NRXN3: variants seen among roughly 807,000 people sequenced by gnomAD.
NRXN3 encodes neurexin III.
NRXN3 carries 32 observed loss-of-function variants against 137.6 expected under a neutral mutation model. The ratio of observed to expected loss-of-function variants is 0.23; its 90% CI spans 0.18 to 0.31. The LOEUF (loss-of-function observed/expected upper bound fraction) is 0.31, where lower values mean the gene tolerates loss of function less well. NRXN3 is among the 10% of genes least tolerant of loss of function. NRXN3 has a pLI of 1.00. For missense variants in NRXN3, 1,574 were observed against 2,062.5 expected (o/e 0.76, Z 4.59); for synonymous variants, 798 against 784.5 (o/e 1.02, Z -0.29).
At chr14:78,805,412 A>G (rs1344043074) in intron 9 of NRXN3, among the ~76,000 whole-genome samples, 1 of 152,120 alleles carries the variant, frequency 6.6e-6, no homozygotes, top group Non-Finnish European at 1.5e-5. Context: ...TCAAAGGCCC[A>G]AAGCCTGCGG....
At chr14:79,347,751 C>A (rs1180850802) in intron 15 of NRXN3, among the ~76,000 whole-genome samples, 1 of 152,064 alleles carries the variant, frequency 6.6e-6, no homozygotes, top group African/African-American at 2.4e-5. Context: ...CAGGTGAAAC[C>A]GTCTTGGTAT....
intron 19 of NRXN3, among the ~76,000 whole-genome samples, chr14:79,724,068 T>C (rs77241976): frequency 0.074 from 11,289 of 152,236 alleles, 494 homozygotes; most frequent in South Asian, 0.23. Flanking sequence ...AAAACAGTTT[T>C]CTCTTTTTGT....
At chr14:79,801,868 G>A (rs1671159862) in intron 19 of NRXN3, among the ~76,000 whole-genome samples, 2 of 151,950 alleles carry the variant, frequency 1.3e-5, no homozygotes, top group South Asian at 4.1e-4. Context: ...GGTCTGCAAT[G>A]GGGATTAGGG....
intron 4 of NRXN3, among the ~76,000 whole-genome samples, chr14:78,305,407 A>G (rs765070138): frequency 6.6e-6 from 1 of 152,118 alleles, no homozygotes; most frequent in Non-Finnish European, 1.5e-5. Flanking sequence ...CTAGTCCTTT[A>G]AAGTTCAGAA....
chr14:79,677,288 A>G (rs1469091244), intron 17 of NRXN3, among the ~76,000 whole-genome samples: 1 of 152,112 alleles, frequency 6.6e-6, no homozygotes, highest in Non-Finnish European at 1.5e-5. Context: ...AGAAAAATAC[A>G]TATAAATCTA....
intron 15 of NRXN3, among the ~76,000 whole-genome samples, chr14:79,374,087 A>T (rs2094190344): frequency 6.6e-6 from 1 of 152,178 alleles, no homozygotes; most frequent in African/African-American, 2.4e-5. Flanking sequence ...AATAAGTTTG[A>T]TTTCATTCTA....
At chr14:78,207,809 A>G (rs147775800) in intron 1 of NRXN3, among the ~76,000 whole-genome samples, 1 of 152,252 alleles carries the variant, frequency 6.6e-6, no homozygotes, top group East Asian at 1.9e-4. Context: ...CTTTCAACAG[A>G]ACACTTTGGT....
intron 6 of NRXN3, among the ~76,000 whole-genome samples, chr14:78,694,891 C>T (rs1473827902): frequency 6.6e-6 from 1 of 151,980 alleles, no homozygotes; most frequent in African/African-American, 2.4e-5. Context: ...GAGGAATGAG[C>T]AGCAGTGGGA....
chr14:79,603,183 C>T (rs1465767105), intron 16 of NRXN3, among the ~76,000 whole-genome samples: 1 of 152,196 alleles, frequency 6.6e-6, no homozygotes, highest in Non-Finnish European at 1.5e-5. Flanking sequence ...GAGTTATTTT[C>T]TTTAAAACAA....
At chr14:78,285,702 T>C (rs2075078904) in intron 3 of NRXN3, among the ~76,000 whole-genome samples, 1 of 152,196 alleles carries the variant, frequency 6.6e-6, no homozygotes, top group East Asian at 1.9e-4. Flanking sequence ...CAGCTCTTTG[T>C]TTTATCCCAC....
At chr14:79,011,891 G>A (rs1310101775) in intron 15 of NRXN3, among the ~76,000 whole-genome samples, 1 of 152,166 alleles carries the variant, frequency 6.6e-6, no homozygotes, top group Non-Finnish European at 1.5e-5. Flanking sequence ...GGGGTCATAA[G>A]GAAGCAGTTC....
At chr14:78,380,307 C>CAAAAAA (rs34099445) in intron 4 of NRXN3, among the ~76,000 whole-genome samples, 10 of 100,458 alleles carry the variant, frequency 1.0e-4, no homozygotes, top group Non-Finnish European at 1.7e-4. Flanking sequence ...GACTCCGTCT[C>CAAAAAA]AAAAAAAAAA....
chr14:78,976,752 G>T (rs1304039483), intron 14 of NRXN3, among the ~76,000 whole-genome samples: 1 of 152,134 alleles, frequency 6.6e-6, no homozygotes, highest in Non-Finnish European at 1.5e-5. Flanking sequence ...TACGAGAGAG[G>T]CGTACAACAC....
intron 15 of NRXN3, among the ~76,000 whole-genome samples, chr14:79,284,353 T>TATATATATAC (rs2081861089): frequency 9.3e-6 from 1 of 108,108 alleles, no homozygotes; most frequent in Non-Finnish European, 1.8e-5. Flanking sequence ...CATATATATA[T>TATATATATAC]ATATATATAT....
At chr14:79,536,570 A>T (rs1276032174) in intron 16 of NRXN3, among the ~76,000 whole-genome samples, 2 of 151,966 alleles carry the variant, frequency 1.3e-5, no homozygotes, top group African/African-American at 4.8e-5. Flanking sequence ...CCTAAGTATT[A>T]AGCCCTGCAT....
At chr14:79,626,451 A>G (rs1192145829) in intron 16 of NRXN3, among the ~76,000 whole-genome samples, 1 of 146,338 alleles carries the variant, frequency 6.8e-6, no homozygotes, top group Non-Finnish European at 1.5e-5. Context: ...ATTGTTTGTC[A>G]TTATTTCTAA....
At chr14:79,256,363 C>T (rs2076588275) in intron 15 of NRXN3, among the ~76,000 whole-genome samples, 1 of 152,164 alleles carries the variant, frequency 6.6e-6, no homozygotes. Flanking sequence ...TTACTGTTGT[C>T]ATTAGTCAGT....
intron 15 of NRXN3, among the ~76,000 whole-genome samples, chr14:79,277,802 G>A (rs922779427): frequency 6.6e-6 from 1 of 152,162 alleles, no homozygotes; most frequent in Non-Finnish European, 1.5e-5. Context: ...TTCCTGGGGG[G>A]CTGTGGATCC....
At position 79,678,925 on chromosome 14, in the gene NRXN3, C is replaced by T. The variant is rs1177477813; in HGVS notation, c.3617-13248C>T. Among the ~76,000 whole-genome samples the T allele has an allele frequency of 3.1e-4, 47 of 151,950 alleles. 1 individual carries two copies. The highest frequency in any genetic ancestry group is 2.6e-3 in the Admixed American group (40 of 15,228). On this transcript the variant is annotated intron_variant, in intron 17 of 20. Transcript: ENST00000335750. ...GGTGAAAATACCAGGTCACCCGGTC[C>T]GTTTCCCTGCTTGGTTCAGATATTT...
Sources: allele counts gnomAD v4.1 joint callset (sites outside exome capture counted in the v4.1 genomes callset), GRCh38; gene constraint gnomAD v4.1.1; transcripts MANE v1.5; gene names NCBI Gene and HGNC (gene_info 2026-07-23, HGNC 2026-07-21).